The following YIPF6 variants were observed in gnomAD, a reference collection of about 807,000 sequenced individuals.
YIPF6 encodes Yip1 domain family member 6.
In YIPF6, 3 loss-of-function variants were observed where a neutral mutation model predicts 16.8. That is an observed-to-expected ratio of 0.18 (90% confidence interval 0.08 to 0.46). The LOEUF (loss-of-function observed/expected upper bound fraction) is 0.46, where lower values mean the gene tolerates loss of function less well. Among genes scored for constraint, YIPF6 ranks in the 20% least tolerant of loss-of-function variants. The pLI is 0.98. For synonymous variants in YIPF6, 67 were observed against 61.9 expected (o/e 1.08, Z -0.38); for missense variants, 145 against 184.9 (o/e 0.78, Z 1.25).
chrX:68,517,852 A>T (rs1362266198), intron 3 of YIPF6, among the ~76,000 whole-genome samples: 2 of 108,817 alleles, frequency 1.8e-5, no homozygotes, highest in African/African-American at 6.7e-5. Context: ...TGTAGTCCCA[A>T]TTATTCAGGA....
chrX:68,521,148 A>T (rs1039970273), intron 4 of YIPF6, among the ~76,000 whole-genome samples: 3 of 111,677 alleles, frequency 2.7e-5, no homozygotes, highest in Non-Finnish European at 3.8e-5. Context: ...ACATTTCAAC[A>T]AGGTCAAATG....
chrX:68,520,109 A>T (rs1178632626), intron 4 of YIPF6, among the ~76,000 whole-genome samples: 2 of 111,971 alleles, frequency 1.8e-5, no homozygotes, highest in Non-Finnish European at 3.8e-5. Context: ...ACAAGTGATG[A>T]GTGCTGGCCA....
chrX:68,512,958 C>T (rs2079087219), intron 2 of YIPF6, among the ~76,000 whole-genome samples: 2 of 110,667 alleles, frequency 1.8e-5, no homozygotes, highest in Admixed American at 2.0e-4. Flanking sequence ...TCCTTGGAAC[C>T]TCATCTTCTA....
intron 4 of YIPF6, among the ~76,000 whole-genome samples, chrX:68,519,986 A>C (rs2079119767): frequency 8.9e-6 from 1 of 111,955 alleles, no homozygotes; most frequent in African/African-American, 3.2e-5. Context: ...GTCCCAGGAC[A>C]TCAAGTGACA....
chrX:68,515,339 AT>A (rs1265364756), intron 3 of YIPF6: 2 of 97,532 alleles, frequency 2.1e-5, no homozygotes, highest in African/African-American at 1.1e-4. Context: ...AAAAAAAAAA[AT>A]AAAAAAAATA....
intron 1 of YIPF6, among the ~76,000 whole-genome samples, chrX:68,507,865 A>G (rs761717359): frequency 6.9e-4 from 76 of 110,759 alleles, no homozygotes; most frequent in Non-Finnish European, 1.4e-3. Context: ...CGGCCTCCCA[A>G]AGTGCTCAGA....
chrX:68,531,882 C>A lies in YIPF6; in HGVS notation c.594C>A (p.Ala198=). The change falls in exon 7 of 7, where the codon GCC becomes GCA. Residue 198 remains alanine, a splice_region_variant and synonymous_variant. Transcript: ENST00000462683. Reference sequence around the variant, plus strand: ...TTTGTTTTGTCTTGTTTTGTTTAGCCTCCACAGCTTTCCTTGCTGATAGCC... The same window carrying A: ...TTTGTTTTGTCTTGTTTTGTTTAGCATCCACAGCTTTCCTTGCTGATAGCC... ...VIVMFAWSIV[A]STAFLADSQP... is the part of the protein sequence containing the mutation. 1 of 1,169,371 alleles carries A rather than the reference C, an allele frequency of 8.6e-7. No homozygotes were observed. The highest frequency in any genetic ancestry group is 1.2e-6 in the Non-Finnish European group (1 of 868,587).
At chrX:68,507,689 G>A (rs763940404) in intron 1 of YIPF6, among the ~76,000 whole-genome samples, 189 of 107,938 alleles carry the variant, frequency 1.8e-3, no homozygotes, top group African/African-American at 6.1e-3. Flanking sequence ...TGCAACCTCC[G>A]CCTCCTGAGT....
In YIPF6 at chrX:68,519,389, G is replaced by C. The variant is rs768399851; in HGVS notation, c.308+577G>C. ...TGACTCTGCTGTCAGCTAGCTATGT[G>C]ACTTTGGGCTACTAATAACCAATGT... On this transcript the variant is annotated intron_variant, in intron 4 of 6. Transcript: ENST00000462683. 1.6e-4 allele frequency among the ~76,000 whole-genome samples: 18 copies of C among 111,896 alleles called. 1 individual carries two copies. In the East Asian group the frequency reaches 4.8e-3, roughly 30 times the overall value.
intron 6 of YIPF6, among the ~76,000 whole-genome samples, chrX:68,527,243 G>C (rs1377361698): frequency 8.9e-6 from 1 of 111,739 alleles, no homozygotes; most frequent in Non-Finnish European, 1.9e-5. Context: ...TCTTCTAGAT[G>C]TTCTGGTTTA....
chrX:68,513,176 T>G, intron 2 of YIPF6, 151 bp from the exon 3 acceptor site: 1 of 411,553 alleles, frequency 2.4e-6, no homozygotes. Flanking sequence ...CTCTCTGGTT[T>G]GTTTGTGTAG....
chrX:68,499,590 G>T (rs1187966846), intron 1 of YIPF6, among the ~76,000 whole-genome samples: 1 of 111,422 alleles, frequency 9.0e-6, no homozygotes, highest in Non-Finnish European at 1.9e-5. Flanking sequence ...AACCCCTGTC[G>T]CAGCTCCTTG....
chrX:68,531,790 TG>T (rs1190744351), intron 6 of YIPF6, 90 bp from the exon 7 acceptor site: 4 of 612,650 alleles, frequency 6.5e-6, no homozygotes, highest in African/African-American at 2.2e-5. Context: ...TTCTAGATGA[TG>T]CCAAGCTCAT....
At chrX:68,521,763 A>T (rs758706303) in intron 5 of YIPF6, among the ~76,000 whole-genome samples, 73 of 103,959 alleles carry the variant, frequency 7.0e-4, no homozygotes, top group Middle Eastern at 5.0e-3. Context: ...AATTAAAAAA[A>T]TTTTTTTTTT....
At chrX:68,512,446 C>G (rs1361096766) in intron 2 of YIPF6, among the ~76,000 whole-genome samples, 1 of 109,783 alleles carries the variant, frequency 9.1e-6, no homozygotes, top group Admixed American at 9.7e-5. Context: ...AGCAAGACTC[C>G]ATCTCAAAAA....
In YIPF6 at chrX:68,537,071, G is replaced by A. The variant is rs780800724; in HGVS notation, c.*5072G>A. On this transcript the variant is annotated 3_prime_UTR_variant, in exon 7 of 7. Coordinates refer to ENST00000462683, the MANE Select transcript of YIPF6 (RefSeq NM_173834.4). ...TTGCCTTAATGAAGTCAAGTGTTCT[G>A]CCTGGTGGGAAGTGGCCACACGCTG... 3 of 112,110 alleles carry A rather than the reference G, an allele frequency of 2.7e-5. 1 individual carries two copies. Among genetic ancestry groups the A allele is most frequent in the African/African-American group, 9.7e-5 (3 of 30,852 alleles). The allele number at this position is 112,110 out of a possible 1,213,427, so 9.2% of individuals were successfully genotyped here.
At chrX:68,529,653 G>T (rs1602471379) in intron 6 of YIPF6, among the ~76,000 whole-genome samples, 1 of 111,608 alleles carries the variant, frequency 9.0e-6, no homozygotes, top group East Asian at 2.9e-4. Flanking sequence ...TTCAGATGGG[G>T]TTTCTGTGTG....
chrX:68,530,479 C>T (rs2079166634), intron 6 of YIPF6, among the ~76,000 whole-genome samples: 1 of 110,418 alleles, frequency 9.1e-6, no homozygotes, highest in Non-Finnish European at 1.9e-5. Context: ...GTGAACACTT[C>T]TGTCTCGCTG....
chrX:68,524,958 T>C (rs761888916), intron 6 of YIPF6, among the ~76,000 whole-genome samples: 1 of 112,007 alleles, frequency 8.9e-6, no homozygotes, highest in East Asian at 2.8e-4. Flanking sequence ...TTGTGAACAG[T>C]GCAGCAGTAA....
Sources: gnomAD v4.1 joint callset for allele counts (sites outside exome capture counted in the v4.1 genomes callset) on GRCh38, gnomAD v4.1.1 for gene constraint, MANE v1.5 for transcripts, NCBI Gene and HGNC (gene_info 2026-07-23, HGNC 2026-07-21) for gene names.